The following ACVR2A variants were observed in gnomAD, a reference collection of about 807,000 sequenced individuals.
The protein encoded by ACVR2A is activin receptor type-2A.
Under a neutral mutation model 61.4 loss-of-function variants are expected in ACVR2A, and 7 were observed. That is an observed-to-expected ratio of 0.11 (90% CI 0.06 to 0.21). ACVR2A has a LOEUF of 0.21. Among genes scored for constraint, ACVR2A ranks in the 10% least tolerant of loss-of-function variants. ACVR2A has a pLI of 1.00. For missense variants in ACVR2A, 322 were observed against 621.7 expected (o/e 0.52, Z 5.13); for synonymous variants, 193 against 208.3 (o/e 0.93, Z 0.63).
chr2:147,898,655 A>AT (rs1326531587), intron 2 of ACVR2A, among the ~76,000 whole-genome samples: 4 of 151,896 alleles, frequency 2.6e-5, no homozygotes, highest in Non-Finnish European at 5.9e-5. Flanking sequence ...TCTGATGTTG[A>AT]TTTTTTTTAA....
At chr2:147,884,225 C>T (rs1686377365) in intron 1 of ACVR2A, among the ~76,000 whole-genome samples, 1 of 152,146 alleles carries the variant, frequency 6.6e-6, no homozygotes, top group Non-Finnish European at 1.5e-5. Flanking sequence ...TAGCTGCAGT[C>T]ACCATTATCC....
intron 4 of ACVR2A, among the ~76,000 whole-genome samples, chr2:147,901,350 TAGG>T (rs1316196940): frequency 1.3e-5 from 2 of 151,984 alleles, no homozygotes; most frequent in African/African-American, 4.8e-5. Flanking sequence ...AAGGTTTTTA[TAGG>T]AGGAGTTTTA....
intron 1 of ACVR2A, among the ~76,000 whole-genome samples, chr2:147,860,115 A>G (rs1685691940): frequency 6.6e-6 from 1 of 152,190 alleles, no homozygotes; most frequent in African/African-American, 2.4e-5. Context: ...TATGTAAGAA[A>G]GGAGGGATTT....
intron 4 of ACVR2A, among the ~76,000 whole-genome samples, chr2:147,900,164 T>TA (rs1301410425): frequency 6.6e-6 from 1 of 152,120 alleles, no homozygotes; most frequent in Non-Finnish European, 1.5e-5. Flanking sequence ...ACTCTCATGC[T>TA]AACACTAACC....
At chr2:147,875,767 A>G (rs185722182) in intron 1 of ACVR2A, among the ~76,000 whole-genome samples, 1 of 152,242 alleles carries the variant, frequency 6.6e-6, no homozygotes, top group Admixed American at 6.5e-5. Context: ...TGTATGTTTC[A>G]CATAGGAACT....
intron 2 of ACVR2A, among the ~76,000 whole-genome samples, chr2:147,898,888 A>C (rs1225383836): frequency 6.6e-6 from 1 of 152,116 alleles, no homozygotes; most frequent in Non-Finnish European, 1.5e-5. Context: ...CAGGGAATTT[A>C]AATCTACACT....
chr2:147,926,797 T>G (rs1687510575), intron 10 of ACVR2A, among the ~76,000 whole-genome samples: 1 of 151,754 alleles, frequency 6.6e-6, no homozygotes, highest in Non-Finnish European at 1.5e-5. Flanking sequence ...GATTTTTGAG[T>G]CCATTTGAAG....
chr2:147,907,364 G>T (rs1687012082), intron 4 of ACVR2A, among the ~76,000 whole-genome samples: 1 of 152,124 alleles, frequency 6.6e-6, no homozygotes, highest in Non-Finnish European at 1.5e-5. Flanking sequence ...CCAGTAATGG[G>T]ATTGCTGGGT....
chr2:147,911,811 A>C (rs1687124375), intron 4 of ACVR2A, among the ~76,000 whole-genome samples: 1 of 151,858 alleles, frequency 6.6e-6, no homozygotes, highest in Non-Finnish European at 1.5e-5. Context: ...TGTAGAAAAA[A>C]CCGTTTTACT....
chr2:147,923,049 T>C lies in ACVR2A; in HGVS notation c.1154T>C (p.Ile385Thr), dbSNP rs1210983508. 2.5e-6 allele frequency: 4 copies of C among 1,613,318 alleles called. No homozygotes were observed. The highest frequency in any genetic ancestry group is 2.2e-5 in the East Asian group (1 of 44,862). The change falls in exon 9 of 11, where the codon ATA becomes ACA. Residue 385 changes from isoleucine to threonine, a missense_variant. Ile to Thr is a moderately conservative substitution (Grantham distance 89). Coordinates refer to ENST00000241416, the MANE Select transcript of ACVR2A (RefSeq NM_001616.5). ...TTCCAAAGGGATGCATTTTTGAGGATAGATATGTATGCCATGGGATTAGTC... is the reference window on the plus strand; with the variant it reads ...TTCCAAAGGGATGCATTTTTGAGGACAGATATGTATGCCATGGGATTAGTC... ...INFQRDAFLR[I>T]DMYAMGLVLW...
chr2:147,849,453 T>G (rs1483206076), intron 1 of ACVR2A, among the ~76,000 whole-genome samples: 1 of 152,184 alleles, frequency 6.6e-6, no homozygotes, highest in East Asian at 1.9e-4. Context: ...CAAGAAACTT[T>G]TAACCTAATC....
intron 1 of ACVR2A, 36 bp from the exon 2 acceptor site, chr2:147,896,265 T>A: frequency 1.3e-6 from 2 of 1,553,232 alleles, no homozygotes; most frequent in Non-Finnish European, 8.8e-7. Flanking sequence ...TTTTAACAGA[T>A]AATGTGGTTA....
Position 147,930,360 on chromosome 2 carries a change from T to G in ACVR2A, c.*3086T>G, listed in dbSNP as rs796429720. 2.6e-5 allele frequency: 4 copies of G among 151,722 alleles called. No individual in the cohort carries two copies. The highest frequency in any genetic ancestry group is 2.1e-4 in the South Asian group (1 of 4,818). The allele number at this position is 151,722 out of a possible 1,614,324, so 9.4% of individuals were successfully genotyped here. A position where few individuals can be genotyped will look rare whatever the true frequency, so the allele number is the denominator to read the frequency against. On this transcript the variant is annotated 3_prime_UTR_variant, in exon 11 of 11. Transcript: ENST00000241416. ...AACTGATTACTGGTTTTTTTGTTTT[T>G]TTTTTTTTTTTTAAAGAAAGAAGCT...
chr2:147,881,938 G>C (rs1316166298), intron 1 of ACVR2A, among the ~76,000 whole-genome samples: 1 of 151,974 alleles, frequency 6.6e-6, no homozygotes, highest in Non-Finnish European at 1.5e-5. Context: ...TGTTGAACTG[G>C]ATCTACAATT....
At chr2:147,881,662 GT>G (rs1165342903) in intron 1 of ACVR2A, among the ~76,000 whole-genome samples, 6 of 107,462 alleles carry the variant, frequency 5.6e-5, no homozygotes, top group African/African-American at 2.1e-4. Context: ...TGTGTGTGTG[GT>G]TTTTTTTATA....
intron 4 of ACVR2A, among the ~76,000 whole-genome samples, chr2:147,903,864 A>G (rs886985048): frequency 1.3e-5 from 2 of 151,988 alleles, no homozygotes; most frequent in Admixed American, 1.3e-4. Flanking sequence ...TGTGTCTTAC[A>G]CAGTATTTGT....
chr2:147,927,059 TA>T lies in ACVR2A; in HGVS notation c.1348-20del. 6.2e-7 allele frequency: 1 copy of T among 1,604,830 alleles called. No individual in the cohort carries two copies. Among genetic ancestry groups the T allele is most frequent in the East Asian group, 2.2e-5 (1 of 44,538 alleles). On this transcript the variant is annotated intron_variant, in intron 10 of 10. Coordinates refer to ENST00000241416, the MANE Select transcript of ACVR2A (RefSeq NM_001616.5). ...AACAAAAACTGCTGTGGCGTTTGAG[TA>T]TATGTTTTTCTCCTTTTAGGGAATG...
intron 1 of ACVR2A, among the ~76,000 whole-genome samples, chr2:147,871,403 C>A (rs544443218): frequency 9.4e-4 from 143 of 152,134 alleles, no homozygotes; most frequent in African/African-American, 3.3e-3. Flanking sequence ...TTCTAAGAAC[C>A]TGAAGGGACA....
At chr2:147,846,941 G>A (rs2105126199) in intron 1 of ACVR2A, among the ~76,000 whole-genome samples, 1 of 152,228 alleles carries the variant, frequency 6.6e-6, no homozygotes, top group South Asian at 2.1e-4. Context: ...ACTAATTGAT[G>A]AAGGAGGTTA....
Sources: gnomAD v4.1 joint callset for allele counts (sites outside exome capture counted in the v4.1 genomes callset) on GRCh38, gnomAD v4.1.1 for gene constraint, MANE v1.5 for transcripts, NCBI Gene and HGNC (gene_info 2026-07-23, HGNC 2026-07-21) for gene names.